SPATA45: variants seen among roughly 807,000 people sequenced by gnomAD.
SPATA45 encodes spermatogenesis associated 45, also known as spermatogenesis-associated protein 45.
Under a neutral mutation model 7.0 loss-of-function variants are expected in SPATA45, and 5 were observed. That is an observed-to-expected ratio of 0.71 (90% CI 0.37 to 1.50). The LOEUF (loss-of-function observed/expected upper bound fraction) is 1.50. Ranked by LOEUF, SPATA45 falls within the 40% of genes most tolerant of loss-of-function variation. The pLI, the probability that SPATA45 is intolerant of heterozygous loss-of-function variation, is 0.03. For synonymous variants in SPATA45, 40 were observed against 38.7 expected (o/e 1.03, Z -0.13); for missense variants, 111 against 114.9 (o/e 0.97, Z 0.16).
intron 2 of SPATA45, among the ~76,000 whole-genome samples, chr1:212,832,912 C>G (rs1663517964): frequency 1.3e-5 from 2 of 151,556 alleles, no homozygotes; most frequent in Admixed American, 1.3e-4. Flanking sequence ...TTCCTGAGTT[C>G]CTAATTTGTG....
chr1:212,846,256 C>G (rs1417894537), intron 1 of SPATA45, among the ~76,000 whole-genome samples: 1 of 151,864 alleles, frequency 6.6e-6, no homozygotes, highest in East Asian at 1.9e-4. Flanking sequence ...CTGCCCCAAT[C>G]CTGCTTGAAG....
In SPATA45 at chr1:212,836,139, A is replaced by C; in HGVS notation, c.11T>G (p.Ile4Arg). 1 of 1,602,416 alleles carries C rather than the reference A, an allele frequency of 6.2e-7. No homozygotes were observed. The highest frequency in any genetic ancestry group is 1.1e-5 in the South Asian group (1 of 90,368). ...TTTCATTATTTCAATGGTTCTGTTT[A>C]TAGATGCCATTATGGTCACAAACCA... is the stretch of plus-strand genomic sequence containing the variant. Reference protein sequence around the residue: MASINRTIEIMKKH... With the variant: MASRNRTIEIMKKH... The change falls in exon 2 of 3, where the codon ATA becomes AGA. Residue 4 changes from isoleucine to arginine, a missense_variant. Ile to Arg is a moderately conservative substitution (Grantham distance 97). Transcript: ENST00000332912.
intron 1 of SPATA45, among the ~76,000 whole-genome samples, chr1:212,846,211 C>A (rs1380420316): frequency 1.3e-5 from 2 of 150,848 alleles, no homozygotes; most frequent in African/African-American, 4.9e-5. Flanking sequence ...CAAAATCTTT[C>A]TTCAGTTTAA....
At chr1:212,839,929 G>A (rs552015912) in intron 1 of SPATA45, among the ~76,000 whole-genome samples, 9 of 151,568 alleles carry the variant, frequency 5.9e-5, no homozygotes, top group African/African-American at 2.2e-4. Context: ...TGAATATCAG[G>A]TGGTTGATAA....
At chr1:212,846,720 C>T (rs763717282) in intron 1 of SPATA45, among the ~76,000 whole-genome samples, 1 of 152,106 alleles carries the variant, frequency 6.6e-6, no homozygotes, top group Non-Finnish European at 1.5e-5. Flanking sequence ...TTTTTGGACT[C>T]GGCCCGCCTG....
intron 2 of SPATA45, among the ~76,000 whole-genome samples, chr1:212,830,741 G>C (rs1663471265): frequency 6.7e-6 from 1 of 150,166 alleles, no homozygotes. Flanking sequence ...CCAGCACTTT[G>C]AGAGACTGAG....
intron 2 of SPATA45, among the ~76,000 whole-genome samples, chr1:212,830,773 G>C (rs1663472167): frequency 6.6e-6 from 1 of 150,814 alleles, no homozygotes; most frequent in Non-Finnish European, 1.5e-5. Context: ...ACGAGGTCAA[G>C]AGATGGAGAC....
intron 1 of SPATA45, among the ~76,000 whole-genome samples, chr1:212,840,354 G>A (rs1041624256): frequency 6.6e-6 from 1 of 152,166 alleles, no homozygotes; most frequent in Non-Finnish European, 1.5e-5. Flanking sequence ...AGGTTATAGT[G>A]AGCGGAGATC....
Position 212,835,261 on chromosome 1 carries a change from C to T in SPATA45, c.277+612G>A, listed in dbSNP as rs566607491. 4.0e-4 allele frequency among the ~76,000 whole-genome samples: 61 copies of T among 151,670 alleles called. 1 individual carries two copies. Among genetic ancestry groups the T allele is most frequent in the African/African-American group, 1.3e-3 (53 of 41,472 alleles). ...ATCATAGGCCGGGCACGGTGGCTCA[C>T]GCCTGTAATCCCAGCACTTTGAGAG... On this transcript the variant is annotated intron_variant, in intron 2 of 2. Coordinates refer to ENST00000332912, the MANE Select transcript of SPATA45 (RefSeq NM_001024601.3).
At chr1:212,837,634 AAAAAT>A (rs1188906745) in intron 1 of SPATA45, among the ~76,000 whole-genome samples, 1 of 151,390 alleles carries the variant, frequency 6.6e-6, no homozygotes, top group Admixed American at 6.6e-5. Flanking sequence ...CTCTGTCTCA[AAAAAT>A]AAAATAAAAT....
chr1:212,839,849 A>G (rs1663648692), intron 1 of SPATA45, among the ~76,000 whole-genome samples: 1 of 151,682 alleles, frequency 6.6e-6, no homozygotes, highest in Non-Finnish European at 1.5e-5. Context: ...TGGACAGTTC[A>G]TTGTATGTCA....
intron 1 of SPATA45, among the ~76,000 whole-genome samples, chr1:212,842,895 T>C (rs1490211829): frequency 6.8e-6 from 1 of 147,754 alleles, no homozygotes; most frequent in African/African-American, 2.5e-5. Flanking sequence ...AAGACCATCC[T>C]GGCTAACACG....
At chr1:212,834,489 C>T (rs1184158446) in intron 2 of SPATA45, among the ~76,000 whole-genome samples, 1 of 150,458 alleles carries the variant, frequency 6.6e-6, no homozygotes, top group South Asian at 2.1e-4. Context: ...CTCACTCTGT[C>T]GCCCAGGCTG....
intron 2 of SPATA45, among the ~76,000 whole-genome samples, chr1:212,833,738 A>G (rs958614363): frequency 6.6e-6 from 1 of 151,634 alleles, no homozygotes; most frequent in African/African-American, 2.4e-5. Flanking sequence ...ATCTGTCCAG[A>G]TCACTGAAAC....
chr1:212,839,262 G>GA (rs59772482), intron 1 of SPATA45, among the ~76,000 whole-genome samples: 39 of 135,978 alleles, frequency 2.9e-4, no homozygotes, highest in Admixed American at 6.7e-4. Flanking sequence ...TGAGTAAAAA[G>GA]AAAAAAAAAA....
chr1:212,840,899 T>A (rs1036781062), intron 1 of SPATA45, among the ~76,000 whole-genome samples: 5 of 152,222 alleles, frequency 3.3e-5, no homozygotes, highest in Non-Finnish European at 5.9e-5. Context: ...ATTACAGGAC[T>A]GAGCCACCGC....
chr1:212,831,065 G>A (rs2102506209), intron 2 of SPATA45, among the ~76,000 whole-genome samples: 1 of 150,860 alleles, frequency 6.6e-6, no homozygotes, highest in South Asian at 2.1e-4. Context: ...CTTGAACCCC[G>A]GGCAGCAGAG....
chr1:212,844,916 T>C (rs1663761970), intron 1 of SPATA45, among the ~76,000 whole-genome samples: 1 of 152,194 alleles, frequency 6.6e-6, no homozygotes, highest in Non-Finnish European at 1.5e-5. Context: ...AGGGCAATGC[T>C]TATGCTGATA....
intron 2 of SPATA45, among the ~76,000 whole-genome samples, chr1:212,833,889 G>GCCTATCTTGGCTTTTGC (rs1663541952): frequency 6.6e-6 from 1 of 151,796 alleles, no homozygotes; most frequent in Non-Finnish European, 1.5e-5. Context: ...CTGGCTTTTG[G>GCCTATCTTGGCTTTTGC]CCTATCTTGG....
Sources: allele counts gnomAD v4.1 joint callset (sites outside exome capture counted in the v4.1 genomes callset), GRCh38; gene constraint gnomAD v4.1.1; transcripts MANE v1.5; gene names NCBI Gene and HGNC (gene_info 2026-07-23, HGNC 2026-07-21).